Variants in CCDC146 observed in about 807,000 individuals in gnomAD.
The protein encoded by CCDC146 is coiled-coil domain-containing protein 146.
In CCDC146, 92 loss-of-function variants were observed where a neutral mutation model predicts 119.3. That is an observed-to-expected ratio of 0.77 (90% CI 0.65 to 0.92). The LOEUF (loss-of-function observed/expected upper bound fraction) is 0.92. Among genes scored for constraint, CCDC146 ranks in the 40% least tolerant of loss-of-function variants. The pLI is 0.00. For missense variants in CCDC146, 1,000 were observed against 1,103.0 expected (o/e 0.91, Z 1.32); for synonymous variants, 372 against 371.8 (o/e 1.00, Z -0.01).
chr7:77,233,566 C>T (rs991160959), intron 2 of CCDC146, among the ~76,000 whole-genome samples: 1 of 152,156 alleles, frequency 6.6e-6, no homozygotes, highest in Non-Finnish European at 1.5e-5. Flanking sequence ...ACAATTTTTC[C>T]GTGGGGCAGA....
At chr7:77,151,281 T>C (rs1412032961) in intron 1 of CCDC146, among the ~76,000 whole-genome samples, 1 of 152,060 alleles carries the variant, frequency 6.6e-6, no homozygotes, top group African/African-American at 2.4e-5. Context: ...CATATGAATA[T>C]TGGGGCAGGG....
intron 2 of CCDC146, among the ~76,000 whole-genome samples, chr7:77,203,235 AC>A (rs1240028558): frequency 1.3e-5 from 2 of 151,984 alleles, no homozygotes; most frequent in Non-Finnish European, 2.9e-5. Flanking sequence ...AGTGGTGAGA[AC>A]TGGAAAGAGA....
intron 1 of CCDC146, among the ~76,000 whole-genome samples, chr7:77,133,969 G>A (rs999300036): frequency 6.6e-6 from 1 of 151,968 alleles, no homozygotes; most frequent in African/African-American, 2.4e-5. Context: ...GTACACAATC[G>A]TCCCTTGGTA....
chr7:77,173,935 A>G (rs1239027889), intron 2 of CCDC146, among the ~76,000 whole-genome samples: 2 of 152,108 alleles, frequency 1.3e-5, no homozygotes, highest in African/African-American at 2.4e-5. Context: ...TCTTCTCCCA[A>G]TCGTCTTTAT....
At chr7:77,243,632 C>G (rs10279192) in intron 4 of CCDC146, among the ~76,000 whole-genome samples, 1,980 of 150,778 alleles carry the variant, frequency 0.013, 40 homozygotes, top group African/African-American at 0.044. Flanking sequence ...CTAGTATTTA[C>G]TATTCGATAC....
chr7:77,261,679 G>T (rs571648571), intron 8 of CCDC146, among the ~76,000 whole-genome samples: 9 of 151,772 alleles, frequency 5.9e-5, no homozygotes, highest in South Asian at 2.1e-4. Context: ...GGGTTTCACC[G>T]TGTTAGCCAG....
At position 77,196,694 on chromosome 7, in the gene CCDC146, A is replaced by G. The variant is rs776808846; in HGVS notation, c.156+28870A>G. The stretch of plus-strand genomic sequence containing the variant: ...GACACCATTAAAGTCTTCAAGATCT[A>G]TTCTCAGAATCATTTCCTTACTCTT... On this transcript the variant is annotated intron_variant, in intron 2 of 18. Coordinates refer to ENST00000285871, the MANE Select transcript of CCDC146 (RefSeq NM_020879.3). The surrounding 1 kb of genome is among the most constrained non-coding windows in gnomAD (Gnocchi z 4.2). 2.5e-6 allele frequency: 4 copies of G among 1,614,214 alleles called. No individual in the cohort carries two copies. The highest frequency in any genetic ancestry group is 1.7e-5 in the Admixed American group (1 of 60,034).
chr7:77,163,860 CTTTTT>C (rs530810388), intron 1 of CCDC146, among the ~76,000 whole-genome samples: 1 of 110,038 alleles, frequency 9.1e-6, no homozygotes, highest in Admixed American at 9.9e-5. Context: ...TCTTTTTTTT[CTTTTT>C]TTTTTTTTTT....
intron 3 of CCDC146, among the ~76,000 whole-genome samples, chr7:77,240,850 C>CT (rs1262850729): frequency 2.6e-5 from 4 of 151,778 alleles, no homozygotes; most frequent in African/African-American, 9.7e-5. Flanking sequence ...CACTAATGCT[C>CT]TTTTTTTTGT....
intron 4 of CCDC146, among the ~76,000 whole-genome samples, chr7:77,249,560 CCT>C (rs1188185274): frequency 3.3e-5 from 5 of 150,300 alleles, no homozygotes; most frequent in Non-Finnish European, 5.9e-5. Flanking sequence ...ATATAATGCC[CCT>C]CTTTGTCTCT....
At chr7:77,290,990 A>G (rs954790470) in intron 17 of CCDC146, among the ~76,000 whole-genome samples, 3 of 152,252 alleles carry the variant, frequency 2.0e-5, no homozygotes, top group Non-Finnish European at 2.9e-5. Context: ...GAGTTCATTC[A>G]TTCCTTCATT....
intron 2 of CCDC146, among the ~76,000 whole-genome samples, chr7:77,219,966 GA>G (rs1792371316): frequency 6.6e-6 from 1 of 152,188 alleles, no homozygotes; most frequent in Non-Finnish European, 1.5e-5. Context: ...TAGAATTACT[GA>G]TGAAGGTCCA....
Position 77,160,156 on chromosome 7 carries a change from G to T in CCDC146, c.-11-7502G>T, listed in dbSNP as rs554692988. ...TCTGTTTTGGTACAAGTACCATGCT[G>T]TTTTGGTTACTGTAGCCTTGTAGTA... On this transcript the variant is annotated intron_variant, in intron 1 of 18. Coordinates refer to ENST00000285871, the MANE Select transcript of CCDC146 (RefSeq NM_020879.3). Among the ~76,000 whole-genome samples the T allele has an allele frequency of 1.2e-3, 184 of 152,276 alleles. 1 individual carries two copies. The highest frequency in any genetic ancestry group is 4.3e-3 in the African/African-American group (179 of 41,552).
At position 77,292,871 on chromosome 7, in the gene CCDC146, A is replaced by G. The variant is rs1793975470; in HGVS notation, c.2416-81A>G. 3 of 1,468,006 alleles carry G rather than the reference A, an allele frequency of 2.0e-6. No homozygotes were observed. In the South Asian group the frequency reaches 3.9e-5, roughly 19 times the overall value. The allele number at this position is 1,468,006 out of a possible 1,614,324, so 90.9% of individuals were successfully genotyped here. A position where few individuals can be genotyped will look rare whatever the true frequency, so the allele number is the denominator to read the frequency against. On this transcript the variant is annotated intron_variant, in intron 17 of 18. Coordinates refer to ENST00000285871, the MANE Select transcript of CCDC146 (RefSeq NM_020879.3). ...CCTTCAGACAAAAATGCACCCCGCC[A>G]TTATAGACAGCCAGCAGCCTGCCAT...
intron 11 of CCDC146, among the ~76,000 whole-genome samples, chr7:77,276,666 A>G (rs2150539080): frequency 6.6e-6 from 1 of 152,308 alleles, no homozygotes; most frequent in South Asian, 2.1e-4. Context: ...TCACTAGGTA[A>G]AGAAGTGGTC....
At chr7:77,176,288 T>A (rs558795186) in intron 2 of CCDC146, among the ~76,000 whole-genome samples, 15 of 151,270 alleles carry the variant, frequency 9.9e-5, no homozygotes, top group African/African-American at 3.4e-4. Context: ...TCTCACCAGT[T>A]AGAATGCCAT....
intron 11 of CCDC146, among the ~76,000 whole-genome samples, chr7:77,274,957 A>G (rs531575564): frequency 5.9e-5 from 9 of 151,810 alleles, no homozygotes; most frequent in Admixed American, 4.6e-4. Flanking sequence ...CAGCACACCA[A>G]CATGGCACAT....
At chr7:77,226,844 G>A (rs1414697158) in intron 2 of CCDC146, among the ~76,000 whole-genome samples, 2 of 152,204 alleles carry the variant, frequency 1.3e-5, no homozygotes, top group African/African-American at 4.8e-5. Flanking sequence ...TATGAGTGAA[G>A]CATTTTTATC....
At chr7:77,266,515 C>T (rs1488773131) in intron 9 of CCDC146, among the ~76,000 whole-genome samples, 2 of 152,080 alleles carry the variant, frequency 1.3e-5, no homozygotes. Context: ...GTGTGTGGTA[C>T]CGAGAAGATA....
Sources: gnomAD v4.1 joint callset for allele counts (sites outside exome capture counted in the v4.1 genomes callset) on GRCh38, gnomAD v4.1.1 for gene constraint, Gnocchi (gnomAD v3.1) non-coding constraint, MANE v1.5 for transcripts, NCBI Gene and HGNC (gene_info 2026-07-23, HGNC 2026-07-21) for gene names.